KCNC2: variants seen among roughly 807,000 people sequenced by gnomAD.
KCNC2 encodes the protein potassium voltage-gated channel subfamily C member 2, also known as voltage-gated potassium channel KCNC2.
KCNC2 carries 21 observed loss-of-function variants against 44.5 expected under a neutral mutation model. That is an observed-to-expected ratio of 0.47 (90% CI 0.33 to 0.68). The LOEUF is 0.68. Ranked by LOEUF, KCNC2 falls within the 30% of genes least tolerant of loss-of-function variation. KCNC2 has a pLI of 0.01. For synonymous variants in KCNC2, 391 were observed against 339.1 expected (o/e 1.15, Z -1.68); for missense variants, 589 against 826.2 (o/e 0.71, Z 3.52).
intron 2 of KCNC2, among the ~76,000 whole-genome samples, chr12:75,087,960 G>T (rs1180066388): frequency 6.6e-6 from 1 of 150,896 alleles, no homozygotes; most frequent in Non-Finnish European, 1.5e-5. Context: ...CCAAGTGACA[G>T]AATCATACAT....
chr12:75,093,383 G>C (rs1459154973), intron 2 of KCNC2, among the ~76,000 whole-genome samples: 1 of 151,564 alleles, frequency 6.6e-6, no homozygotes, highest in East Asian at 1.9e-4. Flanking sequence ...CTATGGAAAG[G>C]CAATCTCTGT....
intron 2 of KCNC2, among the ~76,000 whole-genome samples, chr12:75,174,755 T>C (rs111682841): frequency 0.038 from 5,773 of 151,998 alleles, 156 homozygotes; most frequent in Non-Finnish European, 0.056. Context: ...CCCAAAGTTA[T>C]GTTATTCATA....
At chr12:75,118,157 C>A (rs367737166) in intron 2 of KCNC2, among the ~76,000 whole-genome samples, 2 of 152,112 alleles carry the variant, frequency 1.3e-5, no homozygotes, top group African/African-American at 4.8e-5. Flanking sequence ...CTCATTTAGA[C>A]AAATCAAGAA....
Position 75,207,331 on chromosome 12 carries a change from AG to A in KCNC2, c.652del (p.Leu218SerfsTer65). The A allele has an allele frequency of 6.4e-7, 1 of 1,567,576 alleles. No homozygotes were observed. The highest frequency in any genetic ancestry group is 1.2e-5 in the South Asian group (1 of 84,858). ...TCTGGACGAGTAGGGGTCTTCGAAG[AG>A]GGCCCACATGCGGGGCTGCAGCCTC... ...WRRLQPRMWA[L>X]FEDPYSSRAA... On this transcript the variant is annotated frameshift_variant, in exon 2 of 5. Transcript: ENST00000549446. LOFTEE classifies it high-confidence loss of function. The surrounding 1 kb of genome is among the most constrained non-coding windows in gnomAD (Gnocchi z 4.1).
Position 75,042,253 on chromosome 12 carries a change from AACAAT to A in KCNC2, c.*847_*851del. The A allele has an allele frequency of 2.5e-6, 4 of 1,597,042 alleles. No individual in the cohort carries two copies. Among genetic ancestry groups the A allele is most frequent in the Non-Finnish European group, 3.4e-6 (4 of 1,173,176 alleles). ...AGAACCAAGCAGCAATTTCTGGCTA[AACAAT>A]GCAAGCCTGGCTGGCAGTTACCTTT... On this transcript the variant is annotated 3_prime_UTR_variant, in exon 5 of 5. Transcript: ENST00000549446.
At chr12:75,099,694 T>C (rs1278344398) in intron 2 of KCNC2, among the ~76,000 whole-genome samples, 3 of 152,206 alleles carry the variant, frequency 2.0e-5, no homozygotes, top group African/African-American at 4.8e-5. Context: ...ACAAGATTTC[T>C]ATTATCCTCA....
At chr12:75,127,102 C>G (rs1014992359) in intron 2 of KCNC2, among the ~76,000 whole-genome samples, 9 of 152,076 alleles carry the variant, frequency 5.9e-5, no homozygotes, top group Admixed American at 1.3e-4. Flanking sequence ...GCACTTGTCT[C>G]AAAGAGTTAT....
chr12:75,085,236 A>G (rs575059655), intron 2 of KCNC2, among the ~76,000 whole-genome samples: 7 of 152,144 alleles, frequency 4.6e-5, no homozygotes, highest in African/African-American at 1.7e-4. Context: ...TATTATTACC[A>G]GTAACCTCTT....
At chr12:75,110,541 A>G (rs1273906823) in intron 2 of KCNC2, among the ~76,000 whole-genome samples, 1 of 152,112 alleles carries the variant, frequency 6.6e-6, no homozygotes, top group Admixed American at 6.6e-5. Flanking sequence ...GGCAACAAAT[A>G]TCAACTGACC....
At chr12:75,175,628 C>T (rs900129722) in intron 2 of KCNC2, among the ~76,000 whole-genome samples, 1 of 151,998 alleles carries the variant, frequency 6.6e-6, no homozygotes, top group African/African-American at 2.4e-5. Context: ...TTTTTCCCCT[C>T]TGGCATAGTA....
chr12:75,177,154 A>G (rs1481572835), intron 2 of KCNC2, among the ~76,000 whole-genome samples: 1 of 151,506 alleles, frequency 6.6e-6, no homozygotes, highest in Non-Finnish European at 1.5e-5. Flanking sequence ...CTGCAATAAC[A>G]AAATACTAGA....
At chr12:75,058,576 A>G (rs1881989469) in intron 2 of KCNC2, among the ~76,000 whole-genome samples, 1 of 152,090 alleles carries the variant, frequency 6.6e-6, no homozygotes, top group African/African-American at 2.4e-5. Context: ...ACACCTGCTG[A>G]AGAGATGTTC....
At chr12:75,199,350 A>T (rs61932907) in intron 2 of KCNC2, among the ~76,000 whole-genome samples, 1 of 151,890 alleles carries the variant, frequency 6.6e-6, no homozygotes, top group Non-Finnish European at 1.5e-5. Flanking sequence ...ACATAAAACA[A>T]TGAGGAAATG....
chr12:75,053,426 G>T (rs1385621570), intron 2 of KCNC2, among the ~76,000 whole-genome samples: 1 of 151,910 alleles, frequency 6.6e-6, no homozygotes, highest in African/African-American at 2.4e-5. Context: ...CAAAATTTTG[G>T]TTTCTATGCA....
At chr12:75,138,930 G>A (rs1481890396) in intron 2 of KCNC2, among the ~76,000 whole-genome samples, 13 of 143,166 alleles carry the variant, frequency 9.1e-5, no homozygotes. Flanking sequence ...GCAGTGAGCG[G>A]AGATCGCGCC....
intron 2 of KCNC2, among the ~76,000 whole-genome samples, chr12:75,155,444 A>C (rs769560449): frequency 1.4e-4 from 21 of 151,894 alleles, no homozygotes; most frequent in Non-Finnish European, 2.7e-4. Flanking sequence ...GAAGAAAAAT[A>C]AACTTGCAAT....
chr12:75,163,121 C>T (rs548441507), intron 2 of KCNC2, among the ~76,000 whole-genome samples: 3 of 151,872 alleles, frequency 2.0e-5, no homozygotes, highest in Non-Finnish European at 4.4e-5. Flanking sequence ...AGTAATACCG[C>T]TTCCCAGCAA....
At chr12:75,112,576 T>C (rs1034054330) in intron 2 of KCNC2, among the ~76,000 whole-genome samples, 6 of 152,046 alleles carry the variant, frequency 3.9e-5, no homozygotes, top group Non-Finnish European at 8.8e-5. Context: ...ATTTCCTTTC[T>C]TAACTCATAA....
intron 2 of KCNC2, among the ~76,000 whole-genome samples, chr12:75,064,311 C>G (rs1451629866): frequency 6.6e-6 from 1 of 152,024 alleles, no homozygotes; most frequent in African/African-American, 2.4e-5. Flanking sequence ...AAGCCAAAAT[C>G]TCCCCACATA....
Sources: allele counts gnomAD v4.1 joint callset (sites outside exome capture counted in the v4.1 genomes callset), GRCh38; gene constraint gnomAD v4.1.1; non-coding constraint Gnocchi (gnomAD v3.1); transcripts MANE v1.5; gene names NCBI Gene and HGNC (gene_info 2026-07-23, HGNC 2026-07-21).